GMDS: variants seen among roughly 807,000 people sequenced by gnomAD.
The protein encoded by GMDS is GDP-mannose 4,6-dehydratase, also known as GDP-mannose 4,6 dehydratase.
In GMDS, 20 loss-of-function variants were observed where a neutral mutation model predicts 49.9. That is an observed-to-expected ratio of 0.40 (90% CI 0.28 to 0.58). The LOEUF is 0.58. Among genes scored for constraint, GMDS ranks in the 20% least tolerant of loss-of-function variants. GMDS has a pLI of 0.42. For missense variants in GMDS, 362 were observed against 481.4 expected, an observed-to-expected ratio of 0.75 and a Z score of 2.32; for synonymous variants, 177 against 178.6, an observed-to-expected ratio of 0.99 and a Z score of 0.07.
At chr6:2,037,210 T>A (rs1581553562) in intron 4 of GMDS, among the ~76,000 whole-genome samples, 1 of 152,174 alleles carries the variant, frequency 6.6e-6, no homozygotes, top group East Asian at 1.9e-4. Context: ...GAGAACTGCT[T>A]CTTGTACAAG....
intron 7 of GMDS, among the ~76,000 whole-genome samples, chr6:1,884,823 G>A (rs1254027922): frequency 2.0e-5 from 3 of 152,184 alleles, no homozygotes; most frequent in Non-Finnish European, 4.4e-5. Flanking sequence ...CCTGAGCTGC[G>A]CGACCTCATA....
At chr6:1,702,578 T>C (rs888812297) in intron 9 of GMDS, among the ~76,000 whole-genome samples, 4 of 152,192 alleles carry the variant, frequency 2.6e-5, no homozygotes, top group Non-Finnish European at 5.9e-5. Context: ...ACAGAGAGCC[T>C]TGGAGAGAAG....
At chr6:2,027,926 GTTC>G (rs1407569179) in intron 4 of GMDS, among the ~76,000 whole-genome samples, 1 of 151,994 alleles carries the variant, frequency 6.6e-6, no homozygotes, top group Non-Finnish European at 1.5e-5. Context: ...GCAGAGTCCT[GTTC>G]TTCTACACTT....
At position 1,999,969 on chromosome 6, in the gene GMDS, AT is replaced by A. The variant is rs1167679250; in HGVS notation, c.346-39004del. 1.4e-3 allele frequency among the ~76,000 whole-genome samples: 15 copies of A among 10,900 alleles called. 2 individuals carry two copies. Among genetic ancestry groups the A allele is most frequent in the Non-Finnish European group, 2.9e-3 (15 of 5,178 alleles). 7.2% of individuals were successfully genotyped at this position (10,900 alleles called of 152,430 possible). ...TATATAATATGTATATTATATATAT[AT>A]TATATATATATTTTATATATATATA... On this transcript the variant is annotated intron_variant, in intron 4 of 10. Coordinates refer to ENST00000380815, the MANE Select transcript of GMDS (RefSeq NM_001500.4).
At chr6:1,995,235 G>A (rs1288046397) in intron 4 of GMDS, among the ~76,000 whole-genome samples, 1 of 152,130 alleles carries the variant, frequency 6.6e-6, no homozygotes, top group Non-Finnish European at 1.5e-5. Flanking sequence ...CGTTTACAGT[G>A]GGGTACAAGG....
intron 9 of GMDS, among the ~76,000 whole-genome samples, chr6:1,698,725 C>G (rs1765433913): frequency 6.6e-6 from 1 of 151,624 alleles, no homozygotes; most frequent in African/African-American, 2.4e-5. Flanking sequence ...TGTGCGCGAC[C>G]CTGGACAGAG....
In GMDS at chr6:1,709,047, C is replaced by T. The variant is rs1318125603; in HGVS notation, c.987+17369G>A. Among the ~76,000 whole-genome samples the T allele has an allele frequency of 3.3e-5, 5 of 152,204 alleles. No individual in the cohort carries two copies. The South Asian group carries it at 8.3e-4, about 25-fold the overall frequency. On this transcript the variant is annotated intron_variant, in intron 9 of 10. Transcript: ENST00000380815. ...TCCCCTGATTGCCGAGAACCGTGTA[C>T]ACTGACTCAGCTCCACAGGTAGGCA...
chr6:1,630,684 C>A (rs748271497), intron 9 of GMDS, among the ~76,000 whole-genome samples: 1 of 152,164 alleles, frequency 6.6e-6, no homozygotes, highest in Non-Finnish European at 1.5e-5. Context: ...TGCATCATAC[C>A]TATTTACAAG....
At chr6:2,149,897 C>CT (rs201629364) in intron 1 of GMDS, among the ~76,000 whole-genome samples, 2 of 151,858 alleles carry the variant, frequency 1.3e-5, no homozygotes, top group African/African-American at 4.9e-5. Flanking sequence ...GGAGCTTTCT[C>CT]TTTCTTTTTT....
chr6:1,985,714 G>A (rs903552755), intron 4 of GMDS, among the ~76,000 whole-genome samples: 11 of 152,136 alleles, frequency 7.2e-5, no homozygotes, highest in African/African-American at 2.4e-4. Context: ...AAAACTCATA[G>A]CAAGAACAGA....
At chr6:1,747,193 C>T (rs956687926) in intron 7 of GMDS, among the ~76,000 whole-genome samples, 2 of 152,074 alleles carry the variant, frequency 1.3e-5, no homozygotes, top group Admixed American at 6.5e-5. Context: ...TGCATCACCA[C>T]AGCCGACTGA....
intron 7 of GMDS, among the ~76,000 whole-genome samples, chr6:1,851,863 C>T (rs924632412): frequency 8.5e-5 from 13 of 152,304 alleles, no homozygotes; most frequent in Admixed American, 2.0e-4. Flanking sequence ...ACTTTCCAAA[C>T]GACAGGCTCC....
At chr6:1,989,091 G>A (rs1041354844) in intron 4 of GMDS, among the ~76,000 whole-genome samples, 5 of 152,216 alleles carry the variant, frequency 3.3e-5, no homozygotes, top group Admixed American at 6.5e-5. Context: ...GTTGACACAA[G>A]TTTATTCCAC....
intron 7 of GMDS, among the ~76,000 whole-genome samples, chr6:1,891,292 T>G (rs561308266): frequency 5.9e-4 from 90 of 152,322 alleles, no homozygotes; most frequent in African/African-American, 2.1e-3. Context: ...AATAAATTCA[T>G]GTCTAAATGG....
intron 1 of GMDS, among the ~76,000 whole-genome samples, chr6:2,229,654 C>T (rs2127594150): frequency 6.6e-6 from 1 of 152,284 alleles, no homozygotes. Flanking sequence ...TTTCTCTCCT[C>T]TCCCTTTACA....
rs536215647 is a variant in GMDS at position 2,059,993 on chromosome 6, T to G, written c.345+55778A>C. ...ATTAACGAAATGACAACAAATAATATAACCACATTTTCAAAATTAAAAAAA... is the reference window on the plus strand; with the variant it reads ...ATTAACGAAATGACAACAAATAATAGAACCACATTTTCAAAATTAAAAAAA... On this transcript the variant is annotated intron_variant, in intron 4 of 10. Coordinates refer to ENST00000380815, the MANE Select transcript of GMDS (RefSeq NM_001500.4). Among the ~76,000 whole-genome samples, 82 of 152,122 alleles carry G rather than the reference T, an allele frequency of 5.4e-4. No homozygotes were observed. In the South Asian group the frequency reaches 0.016, roughly 30 times the overall value.
intron 7 of GMDS, among the ~76,000 whole-genome samples, chr6:1,777,080 T>A (rs1768867185): frequency 6.6e-6 from 1 of 152,246 alleles, no homozygotes; most frequent in Non-Finnish European, 1.5e-5. Flanking sequence ...CTGTAAAATT[T>A]GGCATAATGA....
At chr6:1,652,174 C>T (rs1221287185) in intron 9 of GMDS, among the ~76,000 whole-genome samples, 1 of 149,416 alleles carries the variant, frequency 6.7e-6, no homozygotes, top group Non-Finnish European at 1.5e-5. Context: ...GAGTTCGAGA[C>T]CAGCCTGGCC....
chr6:1,752,006 A>G (rs1252905757), intron 7 of GMDS, among the ~76,000 whole-genome samples: 1 of 152,316 alleles, frequency 6.6e-6, no homozygotes, highest in East Asian at 1.9e-4. Flanking sequence ...CCTCGGCAGC[A>G]AGGGAACAAA....
Sources: allele counts gnomAD v4.1 joint callset (sites outside exome capture counted in the v4.1 genomes callset), GRCh38; gene constraint gnomAD v4.1.1; transcripts MANE v1.5; gene names NCBI Gene and HGNC (gene_info 2026-07-23, HGNC 2026-07-21).